The following VWA8 variants were observed in gnomAD, a reference collection of about 807,000 sequenced individuals.
VWA8 encodes the protein von Willebrand factor A domain-containing protein 8.
Under a neutral mutation model 241.5 loss-of-function variants are expected in VWA8, and 221 were observed. The observed-to-expected ratio is 0.91, with a 90% CI of 0.82 to 1.02. VWA8 has a LOEUF of 1.02. Ranked by LOEUF, VWA8 falls within the 50% of genes least tolerant of loss-of-function variation. VWA8 has a pLI of 0.00. For missense variants in VWA8, 2,322 were observed against 2,328.7 expected, an observed-to-expected ratio of 1.00 and a Z score of 0.06; for synonymous variants, 852 against 827.1, an observed-to-expected ratio of 1.03 and a Z score of -0.52.
chr13:41,782,994 A>T (rs1868960584), intron 19 of VWA8, among the ~76,000 whole-genome samples: 1 of 151,276 alleles, frequency 6.6e-6, no homozygotes, highest in African/African-American at 2.4e-5. Flanking sequence ...GAAAGAAAAG[A>T]AAAATACTAG....
chr13:41,806,744 G>T lies in VWA8; in HGVS notation c.2063+4481C>A, dbSNP rs141388109. ...ACTACAAAAATTAGCTGAGTGTGGTGGCACATGCCTGAAATCCCAGCTACT... is the reference window on the plus strand; with the variant it reads ...ACTACAAAAATTAGCTGAGTGTGGTTGCACATGCCTGAAATCCCAGCTACT... On this transcript the variant is annotated intron_variant, in intron 17 of 44. Coordinates refer to ENST00000379310, the MANE Select transcript of VWA8 (RefSeq NM_015058.2). Among the ~76,000 whole-genome samples, 1,423 of 152,114 alleles carry T rather than the reference G, an allele frequency of 9.4e-3. 23 individuals are homozygous for T. Among genetic ancestry groups the T allele is most frequent in the African/African-American group, 0.033 (1,362 of 41,498 alleles).
chr13:41,585,566 G>A (rs2044411716), intron 42 of VWA8, among the ~76,000 whole-genome samples: 1 of 152,066 alleles, frequency 6.6e-6, no homozygotes, highest in African/African-American at 2.4e-5. Context: ...TCTACATTGG[G>A]TTAAAATCTC....
At chr13:41,926,664 T>G (rs887368921) in intron 2 of VWA8, 1 of 542,024 alleles carries the variant, frequency 1.8e-6, no homozygotes, top group African/African-American at 1.9e-5. Context: ...TCAGGGATGG[T>G]AAAGCATATT....
At chr13:41,864,828 A>T (rs1033259717) in intron 12 of VWA8, among the ~76,000 whole-genome samples, 1 of 152,074 alleles carries the variant, frequency 6.6e-6, no homozygotes, top group Non-Finnish European at 1.5e-5. Flanking sequence ...CTCTACTAAA[A>T]TACAAAAAAA....
At chr13:41,739,529 G>T (rs1261355103) in intron 21 of VWA8, among the ~76,000 whole-genome samples, 3 of 152,006 alleles carry the variant, frequency 2.0e-5, no homozygotes, top group Non-Finnish European at 4.4e-5. Context: ...CATTTTGGTT[G>T]TTCATCAAAC....
chr13:41,651,597 A>G (rs2044869734), intron 37 of VWA8, among the ~76,000 whole-genome samples: 1 of 152,234 alleles, frequency 6.6e-6, no homozygotes, highest in Non-Finnish European at 1.5e-5. Context: ...TAAATGAATG[A>G]GTGTAGCTGT....
chr13:41,918,455 G>A (rs546905741), intron 2 of VWA8, among the ~76,000 whole-genome samples: 20 of 152,228 alleles, frequency 1.3e-4, no homozygotes, highest in African/African-American at 4.8e-4. Flanking sequence ...ACAAAAATAA[G>A]AGTATACATG....
At position 41,916,124 on chromosome 13, in the gene VWA8, C is replaced by T. The variant is rs115028038; in HGVS notation, c.242-3956G>A. ...CATCTGTATAATAGATACAATTGTA[C>T]TTACTTATAAAGTTGTTATGAGGAT... On this transcript the variant is annotated intron_variant, in intron 2 of 44. Transcript: ENST00000379310. Among the ~76,000 whole-genome samples, 957 of 152,254 alleles carry T rather than the reference C, an allele frequency of 6.3e-3. 6 individuals carry two copies. Among genetic ancestry groups the T allele is most frequent in the African/African-American group, 0.022 (909 of 41,544 alleles).
At position 41,590,734 on chromosome 13, in the gene VWA8, T is replaced by G. The variant is rs1341513042; in HGVS notation, c.5018A>C (p.His1673Pro). The G allele has an allele frequency of 6.2e-7, 1 of 1,614,034 alleles. No individual in the cohort carries two copies. The highest frequency in any genetic ancestry group is 8.5e-7 in the Non-Finnish European group (1 of 1,180,026). Reference sequence around the variant, plus strand: ...ATCATCTAATTCTCCAGTAGCTTGATGTCTTAGCCATTGTCTTTCTTTACC... The same window carrying G: ...ATCATCTAATTCTCCAGTAGCTTGAGGTCTTAGCCATTGTCTTTCTTTACC... ...AKGKERQWLR[H>P]QATGELDDAK... The change falls in exon 41 of 45, where the codon CAT (histidine) becomes CCT (proline). Residue 1673 changes from histidine (H) to proline (P), a missense_variant. By Grantham distance (77) the His-to-Pro change is moderately conservative. Transcript: ENST00000379310.
At chr13:41,678,954 G>C (rs925704687) in intron 35 of VWA8, among the ~76,000 whole-genome samples, 2 of 152,168 alleles carry the variant, frequency 1.3e-5, no homozygotes, top group African/African-American at 4.8e-5. Context: ...AAATAAGTCA[G>C]CTCAGAAGAA....
At chr13:41,870,159 T>G (rs1283354957) in intron 9 of VWA8, among the ~76,000 whole-genome samples, 1 of 152,180 alleles carries the variant, frequency 6.6e-6, no homozygotes, top group African/African-American at 2.4e-5. Flanking sequence ...AGTTCTATAT[T>G]TCATACAATT....
intron 16 of VWA8, among the ~76,000 whole-genome samples, chr13:41,813,468 C>G (rs1870557567): frequency 6.6e-6 from 1 of 152,016 alleles, no homozygotes; most frequent in African/African-American, 2.4e-5. Flanking sequence ...TTTTTAATAC[C>G]TAGGACCATG....
intron 20 of VWA8, among the ~76,000 whole-genome samples, chr13:41,777,323 C>T (rs1868650584): frequency 6.6e-6 from 1 of 152,126 alleles, no homozygotes; most frequent in Admixed American, 6.5e-5. Flanking sequence ...GGTCTCTCTT[C>T]CATGAGTTAA....
chr13:41,746,866 A>G (rs2045611165), intron 21 of VWA8, among the ~76,000 whole-genome samples: 1 of 152,198 alleles, frequency 6.6e-6, no homozygotes, highest in African/African-American at 2.4e-5. Flanking sequence ...TGAAGTGTAG[A>G]TTGTAACAAT....
intron 17 of VWA8, among the ~76,000 whole-genome samples, chr13:41,810,613 A>G (rs1005599396): frequency 6.6e-6 from 1 of 152,136 alleles, no homozygotes; most frequent in African/African-American, 2.4e-5. Flanking sequence ...AAGGATGGTT[A>G]CCAGAGGTGG....
At chr13:41,870,600 T>G (rs1873547220) in intron 9 of VWA8, among the ~76,000 whole-genome samples, 1 of 143,234 alleles carries the variant, frequency 7.0e-6, no homozygotes. Flanking sequence ...GACGTGACAC[T>G]GCACTCTGCT....
intron 37 of VWA8, among the ~76,000 whole-genome samples, chr13:41,621,529 T>C (rs904981596): frequency 4.6e-5 from 7 of 152,218 alleles, no homozygotes; most frequent in Non-Finnish European, 1.0e-4. Context: ...TTGTGGGGCA[T>C]GTGTGTGTAT....
Position 41,637,293 on chromosome 13 carries a change from C to T in VWA8, c.4612-22209G>A, listed in dbSNP as rs561949815. Among the ~76,000 whole-genome samples, 428 of 151,086 alleles carry T rather than the reference C, an allele frequency of 2.8e-3. 1 individual carries two copies. Among genetic ancestry groups the T allele is most frequent in the Non-Finnish European group, 4.8e-3 (329 of 67,846 alleles). On this transcript the variant is annotated intron_variant, in intron 37 of 44. Transcript: ENST00000379310. ...ATGGATGAAGCTGGAAACCATCATT[C>T]TCAGCAAACCATCGCAAGGACAAAA...
chr13:41,660,907 C>T (rs1396133522), intron 37 of VWA8, among the ~76,000 whole-genome samples: 31 of 150,042 alleles, frequency 2.1e-4, no homozygotes, highest in African/African-American at 7.6e-4. Context: ...GACGGAGTCT[C>T]GCTCTATTGC....
Sources: allele counts gnomAD v4.1 joint callset (sites outside exome capture counted in the v4.1 genomes callset), GRCh38; gene constraint gnomAD v4.1.1; transcripts MANE v1.5; gene names NCBI Gene and HGNC (gene_info 2026-07-23, HGNC 2026-07-21).